Variants in PHF14 observed in about 807,000 individuals in gnomAD.
PHF14 encodes PHD finger protein 14.
PHF14 carries 55 observed loss-of-function variants against 117.9 expected under a neutral mutation model. The observed-to-expected ratio is 0.47, with a 90% CI of 0.38 to 0.58. The LOEUF is 0.58. Among genes scored for constraint, PHF14 ranks in the 20% least tolerant of loss-of-function variants. PHF14 has a pLI of 0.00. For synonymous variants in PHF14, 409 were observed against 368.6 expected, an observed-to-expected ratio of 1.11 and a Z score of -1.26; for missense variants, 978 against 1,122.2, an observed-to-expected ratio of 0.87 and a Z score of 1.84.
At chr7:11,105,869 G>T in intron 16 of PHF14, 1 of 937,942 alleles carries the variant, frequency 1.1e-6, no homozygotes. Context: ...TCATTTATCT[G>T]ATTTACATTG....
At chr7:11,162,698 G>A (rs1013386635) in intron 17 of PHF14, among the ~76,000 whole-genome samples, 1 of 138,534 alleles carries the variant, frequency 7.2e-6, no homozygotes, top group African/African-American at 2.7e-5. Flanking sequence ...GAAATCCAAA[G>A]TCTTTTTTTT....
rs935499725 is a variant in PHF14 at position 11,090,671 on chromosome 7, C to T, written c.2655-20679C>T. Among the ~76,000 whole-genome samples, 3 of 152,042 alleles carry T rather than the reference C, an allele frequency of 2.0e-5. No homozygotes were observed. In the East Asian group the frequency reaches 5.8e-4, roughly 29 times the overall value. On this transcript the variant is annotated intron_variant, in intron 16 of 17. Transcript: ENST00000634607. ...GTTTTTCCCTTTAAAAATAAGATTC[C>T]TGTGTTTGTTTCTTCTCACCAGATT...
chr7:10,988,289 A>G (rs1194822475), intron 3 of PHF14, among the ~76,000 whole-genome samples: 4 of 152,128 alleles, frequency 2.6e-5, no homozygotes. Flanking sequence ...TGGCGTAGAG[A>G]TATGATTTAG....
At chr7:11,147,675 C>A (rs1164455198) in intron 17 of PHF14, among the ~76,000 whole-genome samples, 3 of 152,188 alleles carry the variant, frequency 2.0e-5, no homozygotes, top group African/African-American at 7.2e-5. Context: ...AGACCCTTCT[C>A]AGTCTTCTTA....
At chr7:11,157,771 A>G (rs1182025185) in intron 17 of PHF14, among the ~76,000 whole-genome samples, 1 of 152,204 alleles carries the variant, frequency 6.6e-6, no homozygotes. Context: ...ACTAGCTGGC[A>G]GTAAATACTC....
chr7:11,039,032 A>G (rs970808335), intron 11 of PHF14, among the ~76,000 whole-genome samples, 177 bp downstream of exon 11: 10 of 152,172 alleles, frequency 6.6e-5, no homozygotes, highest in Non-Finnish European at 1.5e-5. Context: ...GAAGCTGCCT[A>G]CTGAGAACCT....
intron 5 of PHF14, 97 bp from the exon 6 acceptor site, chr7:11,022,771 G>C: frequency 1.8e-6 from 1 of 550,716 alleles, no homozygotes; most frequent in African/African-American, 1.9e-5. Context: ...GAATTCTCTT[G>C]GTAGTATTTT....
chr7:11,166,967 A>C (rs1789220885), intron 17 of PHF14, among the ~76,000 whole-genome samples: 1 of 152,212 alleles, frequency 6.6e-6, no homozygotes, highest in Non-Finnish European at 1.5e-5. Context: ...AATGTTACTT[A>C]ACTGGCATAT....
chr7:11,105,441 G>A (rs1787225185), intron 16 of PHF14: 2 of 964,040 alleles, frequency 2.1e-6, no homozygotes, highest in Non-Finnish European at 2.5e-6. Flanking sequence ...TTCTCAATAT[G>A]AGAATATTTC....
At chr7:10,999,751 A>G (rs1300558812) in intron 4 of PHF14, among the ~76,000 whole-genome samples, 1 of 152,232 alleles carries the variant, frequency 6.6e-6, no homozygotes, top group East Asian at 1.9e-4. Flanking sequence ...ATTTTCAGAA[A>G]CATTTAAAAA....
At chr7:11,063,373 C>T (rs1299450090) in intron 16 of PHF14, 2 of 982,432 alleles carry the variant, frequency 2.0e-6, no homozygotes, top group Non-Finnish European at 2.4e-6. Flanking sequence ...AAAATGAAAT[C>T]CCAAGCATAA....
chr7:11,156,098 TGG>T, intron 17 of PHF14, among the ~76,000 whole-genome samples: 1 of 152,218 alleles, frequency 6.6e-6, no homozygotes, highest in African/African-American at 2.4e-5. Flanking sequence ...ATACCAGTGG[TGG>T]TTTTCATTAT....
chr7:11,168,875 C>G (rs1039174939), intron 17 of PHF14, among the ~76,000 whole-genome samples: 4 of 152,050 alleles, frequency 2.6e-5, no homozygotes, highest in Admixed American at 2.0e-4. Context: ...CAGGAACCTG[C>G]TATGAATTAT....
chr7:10,974,420 G>A (rs746707497), intron 1 of PHF14, 96 bp downstream of exon 1: 14 of 1,024,060 alleles, frequency 1.4e-5, no homozygotes, highest in African/African-American at 7.9e-5. Flanking sequence ...AGAGTCCTGC[G>A]GGAAAGCAGG....
At chr7:10,988,534 GTTTTTTTTTT>G (rs34658159) in intron 3 of PHF14, among the ~76,000 whole-genome samples, 14 of 118,164 alleles carry the variant, frequency 1.2e-4, no homozygotes, top group South Asian at 8.5e-4. Context: ...TTTCTAGTCT[GTTTTTTTTTT>G]TTTTTTTTTT....
intron 3 of PHF14, among the ~76,000 whole-genome samples, chr7:10,983,561 A>G (rs1350496046): frequency 1.3e-5 from 2 of 152,160 alleles, no homozygotes; most frequent in Non-Finnish European, 2.9e-5. Flanking sequence ...CCATATTAAA[A>G]TATAGGCCTT....
intron 17 of PHF14, among the ~76,000 whole-genome samples, 164 bp downstream of exon 17, chr7:11,111,631 A>G (rs1653554118): frequency 1.3e-5 from 2 of 152,126 alleles, no homozygotes; most frequent in Admixed American, 1.3e-4. Context: ...TTGCTCTTAA[A>G]TTAAGGAAAA....
At chr7:11,159,221 A>G (rs1788952425) in intron 17 of PHF14, among the ~76,000 whole-genome samples, 1 of 151,916 alleles carries the variant, frequency 6.6e-6, no homozygotes, top group South Asian at 2.1e-4. Context: ...TGATGTTAAG[A>G]TTGTTATAAT....
intron 5 of PHF14, among the ~76,000 whole-genome samples, chr7:11,020,594 G>T (rs1783701440): frequency 6.6e-6 from 1 of 151,998 alleles, no homozygotes; most frequent in Non-Finnish European, 1.5e-5. Flanking sequence ...GCGCAGGCTG[G>T]TCTCAAACTC....
Sources: gnomAD v4.1 joint callset for allele counts (sites outside exome capture counted in the v4.1 genomes callset) on GRCh38, gnomAD v4.1.1 for gene constraint, MANE v1.5 for transcripts, NCBI Gene and HGNC (gene_info 2026-07-23, HGNC 2026-07-21) for gene names.